The following PSG3 variants were observed in gnomAD, a reference collection of about 807,000 sequenced individuals.
PSG3 encodes pregnancy specific beta-1-glycoprotein 3.
Under a neutral mutation model 47.5 loss-of-function variants are expected in PSG3, and 61 were observed. The ratio of observed to expected loss-of-function variants is 1.28; its 90% CI spans 1.05 to 1.59. PSG3 has a LOEUF of 1.59. PSG3 is among the 40% of genes most tolerant of loss of function. The pLI is 0.00. For synonymous variants in PSG3, 263 were observed against 198.4 expected, an observed-to-expected ratio of 1.33 and a Z score of -2.74; for missense variants, 756 against 524.0, an observed-to-expected ratio of 1.44 and a Z score of -4.32.
intron 6 of PSG3, among the ~76,000 whole-genome samples, 192 bp downstream of exon 6, chr19:42,723,750 C>G (rs1206844980): frequency 1.3e-5 from 2 of 152,054 alleles, no homozygotes; most frequent in African/African-American, 4.8e-5. Context: ...ATAATTATGT[C>G]TAAAAGACAG....
At chr19:42,736,208 G>T (rs781640138) in intron 2 of PSG3, among the ~76,000 whole-genome samples, 1 of 152,168 alleles carries the variant, frequency 6.6e-6, no homozygotes, top group Non-Finnish European at 1.5e-5. Context: ...CTGCTCAAAT[G>T]TCGTTGGGCC....
At chr19:42,727,571 A>G (rs1488548943) in intron 5 of PSG3, among the ~76,000 whole-genome samples, 1 of 152,162 alleles carries the variant, frequency 6.6e-6, no homozygotes, top group Non-Finnish European at 1.5e-5. Flanking sequence ...ACCACCTCAC[A>G]CACTTTAGGA....
Position 42,740,475 on chromosome 19 carries a change from T to C in PSG3, c.-91A>G. 1 of 1,609,506 alleles carries C rather than the reference T, an allele frequency of 6.2e-7. No homozygotes were observed. The highest frequency in any genetic ancestry group is 8.5e-7 in the Non-Finnish European group (1 of 1,178,130). ...TGGCTCTCAGCTGTGCTGTCCTTCC[T>C]CCTTCTGCGCTGAGCCTCTTCCCGG... is the stretch of plus-strand genomic sequence containing the variant. On this transcript the variant is annotated 5_prime_UTR_variant, in exon 1 of 7. Transcript: ENST00000327495.
At chr19:42,732,663 G>A in intron 3 of PSG3, 121 bp downstream of exon 3, 2 of 1,609,572 alleles carry the variant, frequency 1.2e-6, no homozygotes, top group East Asian at 2.2e-5. Context: ...GTCATGGCCA[G>A]GTTTGATGTC....
chr19:42,723,491 C>G (rs570029567), intron 6 of PSG3, among the ~76,000 whole-genome samples: 438 of 152,178 alleles, frequency 2.9e-3, no homozygotes, highest in Non-Finnish European at 5.3e-3. Context: ...CTAGAGTAGA[C>G]CCCTGGAGAT....
chr19:42,722,632 G>C (rs1969316974), intron 6 of PSG3, among the ~76,000 whole-genome samples: 1 of 152,108 alleles, frequency 6.6e-6, no homozygotes, highest in East Asian at 1.9e-4. Flanking sequence ...ATTTGAAAAT[G>C]CTTTCTATAT....
At chr19:42,737,663 A>C (rs922177086) in intron 2 of PSG3, among the ~76,000 whole-genome samples, 5 of 152,126 alleles carry the variant, frequency 3.3e-5, no homozygotes, top group Non-Finnish European at 7.4e-5. Flanking sequence ...TGAGCCAATA[A>C]ATGACTATAG....
At position 42,738,995 on chromosome 19, in the gene PSG3, T is replaced by C; in HGVS notation, c.159A>G (p.Leu53=). Residue 53 remains leucine, a synonymous_variant, in exon 2 of 7, where the codon CTA becomes CTG. Coordinates refer to ENST00000327495, the MANE Select transcript of PSG3 (RefSeq NM_021016.4). ...TKVSKGKDVL[L]LVHNLPQNLA... Reference sequence around the variant, plus strand: ...GATTCTGGGGCAAATTGTGGACAAGTAGAAGAACGTCCTTCCCCTTGGAAA... The same window carrying C: ...GATTCTGGGGCAAATTGTGGACAAGCAGAAGAACGTCCTTCCCCTTGGAAA... The C allele has an allele frequency of 2.5e-6, 4 of 1,614,030 alleles. No individual in the cohort carries two copies. Among genetic ancestry groups the C allele is most frequent in the Non-Finnish European group, 3.4e-6 (4 of 1,179,942 alleles).
At chr19:42,734,609 T>C (rs143560334) in intron 2 of PSG3, among the ~76,000 whole-genome samples, 3,408 of 152,292 alleles carry the variant, frequency 0.022, 112 homozygotes, top group African/African-American at 0.077. Context: ...GTAGTATTTC[T>C]CTTGAGACCA....
intron 1 of PSG3, among the ~76,000 whole-genome samples, 181 bp downstream of exon 1, chr19:42,740,140 G>T (rs1787024645): frequency 6.6e-6 from 1 of 152,106 alleles, no homozygotes; most frequent in Non-Finnish European, 1.5e-5. Context: ...TTTTAGTAGA[G>T]ACAGGGCTTC....
intron 3 of PSG3, among the ~76,000 whole-genome samples, chr19:42,731,435 T>G (rs911846849): frequency 1.8e-4 from 27 of 152,270 alleles, no homozygotes; most frequent in South Asian, 8.3e-4. Context: ...CTCTCACCAC[T>G]TTTCTAGCTT....
intron 2 of PSG3, among the ~76,000 whole-genome samples, chr19:42,737,447 C>A (rs776358279): frequency 1.3e-5 from 2 of 152,068 alleles, no homozygotes; most frequent in Non-Finnish European, 2.9e-5. Context: ...TCTCCTTGAT[C>A]CTCTTGTGAC....
chr19:42,724,851 G>A (rs1969351076), intron 5 of PSG3, among the ~76,000 whole-genome samples: 1 of 151,414 alleles, frequency 6.6e-6, no homozygotes, highest in Non-Finnish European at 1.5e-5. Flanking sequence ...ATGTCCTAGT[G>A]TTTTATGTGT....
intron 4 of PSG3, 117 bp downstream of exon 4, chr19:42,729,661 G>A (rs147710141): frequency 1.5e-5 from 24 of 1,552,078 alleles, no homozygotes; most frequent in Middle Eastern, 2.4e-4. Flanking sequence ...TGGCCAGCTC[G>A]GATGTCCAGA....
chr19:42,729,044 A>C, intron 5 of PSG3, 79 bp downstream of exon 5: 2 of 1,609,834 alleles, frequency 1.2e-6, no homozygotes, highest in Non-Finnish European at 1.7e-6. Flanking sequence ...GGGAATAAAA[A>C]TGTTTTCCTG....
intron 5 of PSG3, among the ~76,000 whole-genome samples, chr19:42,724,924 T>A (rs1008203688): frequency 2.0e-5 from 3 of 152,134 alleles, no homozygotes; most frequent in African/African-American, 7.2e-5. Flanking sequence ...GCACTTCCTA[T>A]GTGCCAGGCC....
chr19:42,738,685 C>G (rs375538288), intron 2 of PSG3, 39 bp downstream of exon 2: 11 of 1,612,332 alleles, frequency 6.8e-6, no homozygotes, highest in East Asian at 2.2e-5. Flanking sequence ...AGTAAAGACC[C>G]CATCCCCCAA....
chr19:42,739,725 C>T (rs754699299), intron 1 of PSG3, among the ~76,000 whole-genome samples: 5 of 152,154 alleles, frequency 3.3e-5, no homozygotes, highest in African/African-American at 1.2e-4. Flanking sequence ...GTTTCATGCC[C>T]TGCTTATATT....
chr19:42,731,091 G>T (rs542802385), intron 3 of PSG3, among the ~76,000 whole-genome samples: 243 of 152,314 alleles, frequency 1.6e-3, no homozygotes, highest in African/African-American at 3.8e-3. Context: ...ACTGCTGGTT[G>T]CCAGGAGCTG....
Sources: gnomAD v4.1 joint callset for allele counts (sites outside exome capture counted in the v4.1 genomes callset) on GRCh38, gnomAD v4.1.1 for gene constraint, MANE v1.5 for transcripts, NCBI Gene and HGNC (gene_info 2026-07-23, HGNC 2026-07-21) for gene names.